SCAPER: variants seen among roughly 807,000 people sequenced by gnomAD.
The protein encoded by SCAPER is S phase cyclin A-associated protein in the endoplasmic reticulum.
In SCAPER, 98 loss-of-function variants were observed where a neutral mutation model predicts 182.2. The observed-to-expected ratio is 0.54, with a 90% confidence interval of 0.46 to 0.64. The LOEUF (loss-of-function observed/expected upper bound fraction) is 0.64, where lower values mean the gene tolerates loss of function less well. Ranked by LOEUF, SCAPER falls within the 30% of genes least tolerant of loss-of-function variation. The probability of loss-of-function intolerance (pLI) is 0.00; values close to 1 mark genes in which losing one functional copy is unlikely to be tolerated. For missense variants in SCAPER, 1,432 were observed against 1,690.0 expected (o/e 0.85, Z 2.68); for synonymous variants, 605 against 564.6 (o/e 1.07, Z -1.01).
chr15:76,712,716 C>T (rs2059656720), intron 17 of SCAPER, among the ~76,000 whole-genome samples: 1 of 152,016 alleles, frequency 6.6e-6, no homozygotes, highest in Non-Finnish European at 1.5e-5. Flanking sequence ...AATGGGAGTT[C>T]ACTCATGATT....
At chr15:76,643,407 C>A (rs771957714) in intron 21 of SCAPER, among the ~76,000 whole-genome samples, 9 of 152,146 alleles carry the variant, frequency 5.9e-5, no homozygotes, top group Admixed American at 1.3e-4. Flanking sequence ...TCTGGCCAGG[C>A]ATGGTGGCTA....
intron 15 of SCAPER, among the ~76,000 whole-genome samples, chr15:76,749,005 C>T (rs191022927): frequency 6.6e-6 from 1 of 151,970 alleles, no homozygotes; most frequent in African/African-American, 2.4e-5. Context: ...AGAACCCTTC[C>T]TAAATCACTT....
At chr15:76,426,815 A>C in intron 26 of SCAPER, among the ~76,000 whole-genome samples, 1 of 152,214 alleles carries the variant, frequency 6.6e-6, no homozygotes, top group East Asian at 1.9e-4. Flanking sequence ...TTGACTTAAA[A>C]ATGTAGTACA....
At chr15:76,669,185 A>C (rs11072613) in intron 20 of SCAPER, among the ~76,000 whole-genome samples, 32,878 of 151,550 alleles carry the variant, frequency 0.22, 4,395 homozygotes, top group East Asian at 0.48. Context: ...TCACTTTCCA[A>C]ATTATGAACC....
rs1257352540 is a variant in SCAPER at position 76,701,951 on chromosome 15, T to C, written c.2401-86A>G. The C allele has an allele frequency of 6.0e-6, 5 of 835,408 alleles. No homozygotes were observed. In the South Asian group the frequency reaches 8.4e-5, roughly 14 times the overall value. 51.7% of individuals were successfully genotyped at this position (835,408 alleles called of 1,614,324 possible). On this transcript the variant is annotated intron_variant, in intron 19 of 31. Transcript: ENST00000563290. ...CACATTCAGTCCAGTATATGATATGTGAGTTGAGATCCACCTAGTATTTAC... is the reference window on the plus strand; with the variant it reads ...CACATTCAGTCCAGTATATGATATGCGAGTTGAGATCCACCTAGTATTTAC...
intron 23 of SCAPER, among the ~76,000 whole-genome samples, chr15:76,566,295 T>C (rs917084259): frequency 6.6e-6 from 1 of 152,162 alleles, no homozygotes; most frequent in African/African-American, 2.4e-5. Flanking sequence ...TGGTTTGCTA[T>C]AGGTATTATA....
rs570616803 is a variant in SCAPER, at chr15:76,471,479, A to C, written c.2955-144T>G. 49 of 842,746 alleles carry C rather than the reference A, an allele frequency of 5.8e-5. No homozygotes were observed. In the East Asian group the frequency reaches 1.5e-3, roughly 26 times the overall value. The allele number at this position is 842,746 out of a possible 1,614,324, so 52.2% of individuals were successfully genotyped here. A position where few individuals can be genotyped will look rare whatever the true frequency, so the allele number is the denominator to read the frequency against. On this transcript the variant is annotated intron_variant, in intron 24 of 31. Transcript: ENST00000563290. ...AACCAAGCCAAATACTATTAGGTACAAGGCCCATCAGCTAGATATAAAAGC... is the reference window on the plus strand; with the variant it reads ...AACCAAGCCAAATACTATTAGGTACCAGGCCCATCAGCTAGATATAAAAGC...
intron 17 of SCAPER, among the ~76,000 whole-genome samples, chr15:76,714,434 A>C (rs1366121225): frequency 6.6e-6 from 1 of 152,142 alleles, no homozygotes; most frequent in East Asian, 1.9e-4. Context: ...GTATCTACTT[A>C]AGTTGAATAT....
intron 21 of SCAPER, among the ~76,000 whole-genome samples, chr15:76,630,246 C>A (rs2052979890): frequency 6.6e-6 from 1 of 151,958 alleles, no homozygotes; most frequent in African/African-American, 2.4e-5. Flanking sequence ...TTTCAAAAAA[C>A]CAGCCCCTGG....
chr15:76,848,280 G>A lies in SCAPER; in HGVS notation c.196-6349C>T, dbSNP rs144834691. ...CTCCCAAAGTGCTGGGATTACAGGC[G>A]TGAGCCACCGCGCCTGGCCTAAAAC... On this transcript the variant is annotated intron_variant, in intron 4 of 31. Transcript: ENST00000563290. 7.9e-3 allele frequency among the ~76,000 whole-genome samples: 1,191 copies of A among 150,370 alleles called. 10 individuals are homozygous for A. The highest frequency in any genetic ancestry group is 0.028 in the African/African-American group (1,129 of 40,962).
chr15:76,796,081 CAT>C (rs2151478585), intron 7 of SCAPER, among the ~76,000 whole-genome samples: 1 of 152,184 alleles, frequency 6.6e-6, no homozygotes, highest in South Asian at 2.1e-4. Flanking sequence ...AAGAAAAAGA[CAT>C]AAATATGCAT....
Position 76,855,969 on chromosome 15 carries a change from G to T in SCAPER, c.195+1840C>A, listed in dbSNP as rs143326174. On this transcript the variant is annotated intron_variant, in intron 4 of 31. Transcript: ENST00000563290. The stretch of plus-strand genomic sequence containing the variant: ...CATTCTACCATAAAGACACATGCAC[G>T]TGAATGTTCACTGCAGCACTATTCA... The T allele has an allele frequency of 5.5e-3, 1,536 of 277,394 alleles. 25 individuals are homozygous for T. The highest frequency in any genetic ancestry group is 0.032 in the African/African-American group (1,467 of 46,004). 17.2% of individuals were successfully genotyped at this position (277,394 alleles called of 1,614,324 possible).
intron 25 of SCAPER, among the ~76,000 whole-genome samples, chr15:76,438,640 C>T (rs1872213451): frequency 6.6e-6 from 1 of 152,146 alleles, no homozygotes; most frequent in Non-Finnish European, 1.5e-5. Context: ...CTGCACTAGG[C>T]AAATCTCCCT....
At chr15:76,553,483 C>T (rs545865987) in intron 23 of SCAPER, among the ~76,000 whole-genome samples, 471 of 152,360 alleles carry the variant, frequency 3.1e-3, no homozygotes, top group African/African-American at 0.011. Flanking sequence ...TGATGTGCAT[C>T]TTGCTGTGCC....
intron 23 of SCAPER, among the ~76,000 whole-genome samples, chr15:76,556,313 G>T (rs2046193351): frequency 6.6e-6 from 1 of 151,832 alleles, no homozygotes; most frequent in Non-Finnish European, 1.5e-5. Context: ...CACCACACCA[G>T]AATGAACTAG....
At chr15:76,722,707 A>C in intron 17 of SCAPER, among the ~76,000 whole-genome samples, 1 of 152,144 alleles carries the variant, frequency 6.6e-6, no homozygotes, top group East Asian at 1.9e-4. Flanking sequence ...TTTCTAGTTT[A>C]TTTGCATAGA....
intron 23 of SCAPER, among the ~76,000 whole-genome samples, chr15:76,516,919 T>C (rs149523616): frequency 4.9e-4 from 75 of 152,294 alleles, no homozygotes; most frequent in African/African-American, 1.6e-3. Flanking sequence ...CCCTGGGCTA[T>C]CTTCACATAT....
At chr15:76,896,676 T>A (rs1245451474) in intron 1 of SCAPER, among the ~76,000 whole-genome samples, 1 of 152,088 alleles carries the variant, frequency 6.6e-6, no homozygotes, top group Non-Finnish European at 1.5e-5. Context: ...CCTAGCACTT[T>A]GGGAGGCCAA....
intron 23 of SCAPER, among the ~76,000 whole-genome samples, chr15:76,549,254 T>C (rs1782696015): frequency 6.6e-6 from 1 of 152,214 alleles, no homozygotes. Context: ...ACCCTATTAC[T>C]GGGTATATAC....
Sources: allele counts gnomAD v4.1 joint callset (sites outside exome capture counted in the v4.1 genomes callset), GRCh38; gene constraint gnomAD v4.1.1; transcripts MANE v1.5; gene names NCBI Gene and HGNC (gene_info 2026-07-23, HGNC 2026-07-21).